Variants in HDAC7 observed in about 807,000 individuals in gnomAD.
HDAC7 encodes the protein histone deacetylase 7A.
A neutral mutation model predicts 115.5 loss-of-function variants in HDAC7; 26 were observed. The ratio of observed to expected loss-of-function variants is 0.23; its 90% CI spans 0.16 to 0.31. The LOEUF (loss-of-function observed/expected upper bound fraction) is 0.31, where lower values mean the gene tolerates loss of function less well. Among genes scored for constraint, HDAC7 ranks in the 10% least tolerant of loss-of-function variants. The pLI, the probability that HDAC7 is intolerant of heterozygous loss-of-function variation, is 1.00. For synonymous variants in HDAC7, 564 were observed against 550.9 expected, an observed-to-expected ratio of 1.02 and a Z score of -0.33; for missense variants, 1,068 against 1,329.0, an observed-to-expected ratio of 0.80 and a Z score of 3.05.
At chr12:47,786,370 G>A (rs1233963957) in intron 22 of HDAC7, among the ~76,000 whole-genome samples, 4 of 152,220 alleles carry the variant, frequency 2.6e-5, no homozygotes, top group Non-Finnish European at 4.4e-5. Flanking sequence ...CAAGCCCTCC[G>A]TGGTGAACCG....
chr12:47,793,292 A>C lies in HDAC7; in HGVS notation c.1678+77T>G. 4 of 1,139,920 alleles carry C rather than the reference A, an allele frequency of 3.5e-6. No individual in the cohort carries two copies. The South Asian group carries it at 6.4e-5, about 18-fold the overall frequency. The allele number at this position is 1,139,920 out of a possible 1,614,324, so 70.6% of individuals were successfully genotyped here. On this transcript the variant is annotated intron_variant, in intron 13 of 25. Coordinates refer to ENST00000080059, the MANE Select transcript of HDAC7 (RefSeq NM_015401.5). The surrounding 1 kb of genome is among the most constrained non-coding windows in gnomAD (Gnocchi z 4.5). Reference sequence around the variant, plus strand: ...ACTCTGTGGCCTCTAAAAATGTCCCAAGTGACACCAAGACACCCACATGGA... The same window carrying C: ...ACTCTGTGGCCTCTAAAAATGTCCCCAGTGACACCAAGACACCCACATGGA...
At chr12:47,821,302 G>A (rs1298840615), upstream of HDAC7, among the ~76,000 whole-genome samples, 2 of 152,156 alleles carry the variant, frequency 1.3e-5, no homozygotes, top group South Asian at 2.1e-4. Flanking sequence ...GGCACAGCTC[G>A]GGACTCACTA....
intron 2 of HDAC7, among the ~76,000 whole-genome samples, chr12:47,800,175 G>A (rs1944093940): frequency 1.3e-5 from 2 of 152,196 alleles, no homozygotes; most frequent in African/African-American, 4.8e-5. Context: ...GCCCCGGGGG[G>A]TAGTCATTAC....
In HDAC7 at chr12:47,789,784, T is replaced by C. The variant is rs1204980986; in HGVS notation, c.2091+29A>G. On this transcript the variant is annotated intron_variant, in intron 17 of 25. Transcript: ENST00000080059. ...CCCCACTCTGCTTCCTCCTTTGTGG[T>C]GTGTCCACCTTCAACCCAAACCTCC... is the stretch of plus-strand genomic sequence containing the variant. 1.9e-6 allele frequency: 3 copies of C among 1,552,842 alleles called. No individual in the cohort carries two copies. The Admixed American group carries it at 5.0e-5, about 26-fold the overall frequency.
In HDAC7 at chr12:47,793,328, C is replaced by T. The variant is rs758431974; in HGVS notation, c.1678+41G>A. 16 of 1,331,322 alleles carry T rather than the reference C, an allele frequency of 1.2e-5. No individual in the cohort carries two copies. Among genetic ancestry groups the T allele is most frequent in the Admixed American group, 2.3e-5 (1 of 44,030 alleles). The allele number at this position is 1,331,322 out of a possible 1,614,324, so 82.5% of individuals were successfully genotyped here. ...AGACACCCACATGGACTCGTGCAGC[C>T]GAGCCCCTCCCTCCACCCGCCACCC... On this transcript the variant is annotated intron_variant, in intron 13 of 25. Transcript: ENST00000080059. The surrounding 1 kb of genome is among the most constrained non-coding windows in gnomAD (Gnocchi z 4.5).
chr12:47,814,698 AG>A (rs1006601224), intron 1 of HDAC7, among the ~76,000 whole-genome samples: 2 of 152,204 alleles, frequency 1.3e-5, no homozygotes, highest in African/African-American at 4.8e-5. Flanking sequence ...CTGGCAATTC[AG>A]CTCCAACCCT....
chr12:47,811,695 T>C (rs1459492270), intron 1 of HDAC7, among the ~76,000 whole-genome samples: 7 of 152,208 alleles, frequency 4.6e-5, no homozygotes, highest in South Asian at 2.1e-4. Context: ...ACACAGCCCA[T>C]GGTAGCAAAG....
rs535042803 is a variant in HDAC7 at position 47,798,786 on chromosome 12, C to T, written c.257G>A (p.Arg86Lys). Residue 86 changes from arginine to lysine, a missense_variant and splice_region_variant, in exon 3 of 26, where the codon AGG becomes AAG. Coordinates refer to ENST00000080059, the MANE Select transcript of HDAC7 (RefSeq NM_015401.5). This position sits in a 1 kb window ranked among gnomAD's most constrained non-coding sequence, Gnocchi z 4.3. ...LQQQRSVEPM[R>K]LSMDTPMPEL... Reference sequence around the variant, plus strand: ...ACATGCAGGGAGCTCCATCTTTACCCTCATGGGCTCCACCGAGCGCTGCTG... The same window carrying T: ...ACATGCAGGGAGCTCCATCTTTACCTTCATGGGCTCCACCGAGCGCTGCTG... 2 of 1,556,078 alleles carry T rather than the reference C, an allele frequency of 1.3e-6. No individual in the cohort carries two copies. The highest frequency in any genetic ancestry group is 1.4e-5 in the African/African-American group (1 of 73,404).
rs1041641997 is a variant in HDAC7, at chr12:47,782,787, T to C, written c.*1054A>G. 3.3e-5 allele frequency: 5 copies of C among 152,850 alleles called. No individual in the cohort carries two copies. The highest frequency in any genetic ancestry group is 7.3e-5 in the Non-Finnish European group (5 of 68,052). The allele number at this position is 152,850 out of a possible 1,614,324, so 9.5% of individuals were successfully genotyped here. Reference sequence around the variant, plus strand: ...CATTTTCTTCCTTTTTACAAAAACATGCATACATACACAGGGTATGGTGGG... The same window carrying C: ...CATTTTCTTCCTTTTTACAAAAACACGCATACATACACAGGGTATGGTGGG... On this transcript the variant is annotated 3_prime_UTR_variant, in exon 26 of 26. Transcript: ENST00000080059.
In HDAC7 at chr12:47,793,136, G is replaced by C. The variant is rs868387411; in HGVS notation, c.1678+233C>G. 9.5e-5 allele frequency: 48 copies of C among 502,986 alleles called. No individual in the cohort carries two copies. The highest frequency in any genetic ancestry group is 9.0e-4 in the African/African-American group (46 of 51,250). The allele number at this position is 502,986 out of a possible 1,614,324, so 31.2% of individuals were successfully genotyped here. On this transcript the variant is annotated intron_variant, in intron 13 of 25. Transcript: ENST00000080059. This position sits in a 1 kb window ranked among gnomAD's most constrained non-coding sequence, Gnocchi z 4.5. The stretch of plus-strand genomic sequence containing the variant: ...GAGACTGGAATTCTTATCCTGGCTT[G>C]ACTACCACTTGCTATTTGACCACAG...
chr12:47,785,835 C>T lies in HDAC7; in HGVS notation c.2623G>A (p.Val875Met), dbSNP rs539070594. The change falls in exon 23 of 26, where the codon GTG becomes ATG. Residue 875 changes from valine (V) to methionine (M), a missense_variant. This residue lies in a region of HDAC7 where 182 missense variants were observed against 301.1 expected (regional missense o/e 0.60). Transcript: ENST00000080059. Reference sequence around the variant, plus strand: ...TCATGGCCACCCTCCAAGGCCAGCACCACTGCGCCTCCTGCCAGGTTCATC... The same window carrying T: ...TCATGGCCACCCTCCAAGGCCAGCATCACTGCGCCTCCTGCCAGGTTCATC... ...QLMNLAGGAV[V>M]LALEGGHDLT... 1.2e-6 allele frequency: 2 copies of T among 1,611,740 alleles called. No individual in the cohort carries two copies. The highest frequency in any genetic ancestry group is 2.7e-5 in the African/African-American group (2 of 74,960).
At position 47,797,237 on chromosome 12, in the gene HDAC7, A is replaced by C; in HGVS notation, c.578-95T>G. On this transcript the variant is annotated intron_variant, in intron 6 of 25. Coordinates refer to ENST00000080059, the MANE Select transcript of HDAC7 (RefSeq NM_015401.5). The surrounding 1 kb of genome is among the most constrained non-coding windows in gnomAD (Gnocchi z 5.5). The stretch of plus-strand genomic sequence containing the variant: ...CCAGTCATCTCTATCGGTCAAGGAA[A>C]GAGAAGGCAGAACTAGAAAGAAGAT... The C allele has an allele frequency of 6.4e-7, 1 of 1,562,366 alleles. No individual in the cohort carries two copies.
rs556057405 is a variant in HDAC7, at chr12:47,798,071, C to T, written c.461+37G>A. On this transcript the variant is annotated intron_variant, in intron 5 of 25. Transcript: ENST00000080059. This position sits in a 1 kb window ranked among gnomAD's most constrained non-coding sequence, Gnocchi z 4.3. ...AACACGGGGGCGGGGGTGGAGGGTG[C>T]ATGTGGGGACAGGAGGGCAGGTGAG... The T allele has an allele frequency of 3.5e-6, 5 of 1,429,236 alleles. No individual in the cohort carries two copies. The African/African-American group carries it at 5.7e-5, about 16-fold the overall frequency. The allele number at this position is 1,429,236 out of a possible 1,614,324, so 88.5% of individuals were successfully genotyped here.
At chr12:47,817,133 G>A (rs138078889) in intron 1 of HDAC7, among the ~76,000 whole-genome samples, 2 of 152,294 alleles carry the variant, frequency 1.3e-5, no homozygotes, top group Non-Finnish European at 2.9e-5. Flanking sequence ...ACAATACCCG[G>A]CAGGGTCACC....
At chr12:47,791,174 C>T (rs1265370691) in intron 16 of HDAC7, 85 bp downstream of exon 16, 1 of 1,292,500 alleles carries the variant, frequency 7.7e-7, no homozygotes, top group East Asian at 2.5e-5. Context: ...AGCAGAGGTT[C>T]TGCAGGGGCT....
chr12:47,787,200 G>A (rs897072290), intron 21 of HDAC7, among the ~76,000 whole-genome samples: 11 of 150,552 alleles, frequency 7.3e-5, no homozygotes, highest in Non-Finnish European at 1.0e-4. Flanking sequence ...GAGGTTCTGC[G>A]CCACCTGGCT....
intron 16 of HDAC7, chr12:47,790,163 A>G: frequency 1.9e-6 from 1 of 522,158 alleles, no homozygotes; most frequent in Non-Finnish European, 3.5e-6. Flanking sequence ...TGCTGGCAGC[A>G]TCACGCCTGC....
intron 1 of HDAC7, among the ~76,000 whole-genome samples, chr12:47,815,542 C>A: frequency 6.6e-6 from 1 of 152,222 alleles, no homozygotes. Flanking sequence ...ACCTGAAGCA[C>A]CTGTTAAAAT....
Position 47,788,176 on chromosome 12 carries a change from G to A in HDAC7, c.2236-12C>T, listed in dbSNP as rs1419949782. 12 of 1,592,438 alleles carry A rather than the reference G, an allele frequency of 7.5e-6. No homozygotes were observed. The highest frequency in any genetic ancestry group is 1.0e-5 in the Non-Finnish European group (12 of 1,168,588). On this transcript the variant is annotated splice_polypyrimidine_tract_variant and intron_variant, in intron 19 of 25. Transcript: ENST00000080059. ...CCATGGTGCACGTCCTGTGTAGGGA[G>A]ACGGGCAGCGATTAGGGAAGGCAGA...
Sources: allele counts gnomAD v4.1 joint callset (sites outside exome capture counted in the v4.1 genomes callset), GRCh38; gene constraint gnomAD v4.1.1; regional missense constraint gnomAD v4.1.1; non-coding constraint Gnocchi (gnomAD v3.1); transcripts MANE v1.5; gene names NCBI Gene and HGNC (gene_info 2026-07-23, HGNC 2026-07-21).